The following MAPK3 variants were observed in gnomAD, a reference collection of about 807,000 sequenced individuals.
MAPK3 encodes the protein mitogen-activated protein kinase 3.
In MAPK3, 30 loss-of-function variants were observed where a neutral mutation model predicts 41.8. The observed-to-expected ratio is 0.72, with a 90% CI of 0.54 to 0.97. The LOEUF is 0.97. MAPK3 is among the 50% of genes least tolerant of loss of function. MAPK3 has a pLI of 0.00. For synonymous variants in MAPK3, 222 were observed against 213.4 expected (o/e 1.04, Z -0.35); for missense variants, 413 against 509.9 (o/e 0.81, Z 1.83).
chr16:30,122,236 C>T (rs2073023901), intron 1 of MAPK3: 3 of 579,912 alleles, frequency 5.2e-6, no homozygotes, highest in Non-Finnish European at 9.2e-6. Context: ...AGAGACTGAC[C>T]GCTCACTGAC....
At chr16:30,116,485 G>A in intron 8 of MAPK3, 151 bp downstream of exon 8, 1 of 872,188 alleles carries the variant, frequency 1.1e-6, no homozygotes, top group Non-Finnish European at 1.7e-6. Context: ...CCAGCCCCCT[G>A]GGCACTTCTG....
At chr16:30,117,076 C>T (rs2072964345) in intron 6 of MAPK3, 73 bp from the exon 7 acceptor site, 1 of 1,600,664 alleles carries the variant, frequency 6.2e-7, no homozygotes, top group Non-Finnish European at 8.5e-7. Flanking sequence ...TTGCCTGTCT[C>T]CTCCAGCGGC....
In MAPK3 at chr16:30,118,423, T is replaced by A. The variant is rs369434621; in HGVS notation, c.469A>T (p.Ile157Phe). 6.2e-7 allele frequency: 1 copy of A among 1,613,526 alleles called. No homozygotes were observed. Among genetic ancestry groups the A allele is most frequent in the Non-Finnish European group, 8.5e-7 (1 of 1,179,904 alleles). ...LYQILRGLKY[I>F]HSANVLHRDL... ...CGGTGGAGCACGTTGGCGGAGTGGA[T>A]GTACTTGAGGCCCCGCAGGATCTGG... Residue 157 changes from isoleucine (I) to phenylalanine (F), a missense_variant, in exon 3 of 9, where the codon ATC (isoleucine) becomes TTC (phenylalanine). By Grantham distance (21) the Ile-to-Phe change is conservative. Coordinates refer to ENST00000263025, the MANE Select transcript of MAPK3 (RefSeq NM_002746.3).
chr16:30,118,619 G>T, intron 2 of MAPK3, 81 bp from the exon 3 acceptor site: 1 of 1,151,280 alleles, frequency 8.7e-7, no homozygotes, highest in Non-Finnish European at 1.3e-6. Context: ...TGAAGGCGAG[G>T]CTGCACACCT....
intron 4 of MAPK3, 118 bp downstream of exon 4, chr16:30,117,929 G>T (rs2072974859): frequency 1.8e-6 from 2 of 1,118,838 alleles, no homozygotes; most frequent in South Asian, 1.3e-5. Context: ...TCCTTGCAGA[G>T]CCCAAGGCCC....
In MAPK3 at chr16:30,123,022, C is replaced by A; in HGVS notation, c.170+18G>T. 2.7e-6 allele frequency: 4 copies of A among 1,500,240 alleles called. No homozygotes were observed. Among genetic ancestry groups the A allele is most frequent in the South Asian group, 1.3e-5 (1 of 78,046 alleles). The allele number at this position is 1,500,240 out of a possible 1,614,324, so 92.9% of individuals were successfully genotyped here. On this transcript the variant is annotated intron_variant, in intron 1 of 8. Coordinates refer to ENST00000263025, the MANE Select transcript of MAPK3 (RefSeq NM_002746.3). ...CCCCTCCCCTGAGGGCACCCCCTCC[C>A]CCGGAACGCCCCCTCACCTGACCAT...
Position 30,118,594 on chromosome 16 carries a change from A to G in MAPK3, c.354-56T>C. On this transcript the variant is annotated intron_variant, in intron 2 of 8. Transcript: ENST00000263025. ...AGGGGGCAGTGGGAGGCACTTGGTT[A>G]AGGAAAACAGGCTCTGAAGGCGAGG... The G allele has an allele frequency of 1.3e-5, 19 of 1,475,944 alleles. No homozygotes were observed. The South Asian group carries it at 2.3e-4, about 18-fold the overall frequency. 91.4% of individuals were successfully genotyped at this position (1,475,944 alleles called of 1,614,324 possible). A position where few individuals can be genotyped will look rare whatever the true frequency, so the allele number is the denominator to read the frequency against.
intron 2 of MAPK3, among the ~76,000 whole-genome samples, chr16:30,121,140 G>A (rs977248059): frequency 2.5e-4 from 38 of 151,966 alleles, no homozygotes; most frequent in African/African-American, 7.7e-4. Context: ...ACAGAGTCTC[G>A]CTCTGTCACC....
In MAPK3 at chr16:30,114,517, A is replaced by C. The variant is rs1459569618; in HGVS notation, c.*224T>G. On this transcript the variant is annotated 3_prime_UTR_variant, in exon 9 of 9. Coordinates refer to ENST00000263025, the MANE Select transcript of MAPK3 (RefSeq NM_002746.3). ...CGGGAGATTGAACTGGGGCCACCTG[A>C]GGTCCCGAGGCCCCGTGGGGAGGGC... 8.6e-6 allele frequency: 1 copy of C among 115,934 alleles called. No homozygotes were observed. The highest frequency in any genetic ancestry group is 1.8e-5 in the Non-Finnish European group (1 of 55,230). 7.2% of individuals were successfully genotyped at this position (115,934 alleles called of 1,614,324 possible).
intron 5 of MAPK3, 85 bp from the exon 6 acceptor site, chr16:30,117,370 C>G: frequency 7.1e-7 from 1 of 1,400,842 alleles, no homozygotes; most frequent in African/African-American, 1.4e-5. Context: ...CAAGACCCCC[C>G]AGCCCAGCAA....
intron 5 of MAPK3, 61 bp from the exon 6 acceptor site, chr16:30,117,346 C>G: frequency 6.4e-7 from 1 of 1,565,964 alleles, no homozygotes; most frequent in Admixed American, 1.8e-5. Flanking sequence ...ACAGAATAGG[C>G]AACAAGGCAA....
Position 30,116,632 on chromosome 16 carries a change from T to A in MAPK3, c.*32+4A>T, listed in dbSNP as rs1482099966. On this transcript the variant is annotated splice_donor_region_variant and intron_variant, in intron 8 of 8. Transcript: ENST00000263025. Reference sequence around the variant, plus strand: ...GTCCATGTGTGGGCCATGGAGACACTCACCAGGCCCCAGGGTGCAGAGATG... The same window carrying A: ...GTCCATGTGTGGGCCATGGAGACACACACCAGGCCCCAGGGTGCAGAGATG... 1.9e-6 allele frequency: 3 copies of A among 1,609,818 alleles called. No homozygotes were observed. The highest frequency in any genetic ancestry group is 2.5e-6 in the Non-Finnish European group (3 of 1,179,046).
intron 1 of MAPK3, 83 bp from the exon 2 acceptor site, chr16:30,122,089 G>A: frequency 3.0e-6 from 4 of 1,347,238 alleles, no homozygotes; most frequent in Non-Finnish European, 4.2e-6. Flanking sequence ...GCCTTGGCAG[G>A]GAGGGGAGAG....
At chr16:30,122,872 A>C in intron 1 of MAPK3, 168 bp downstream of exon 1, 4 of 481,024 alleles carry the variant, frequency 8.3e-6, no homozygotes, top group Non-Finnish European at 7.0e-6. Flanking sequence ...CCTCCCCCAG[A>C]AAGCACTCAG....
chr16:30,117,434 AG>A (rs2072968155), intron 5 of MAPK3, 149 bp from the exon 6 acceptor site: 1 of 874,372 alleles, frequency 1.1e-6, no homozygotes, highest in African/African-American at 1.7e-5. Flanking sequence ...GTGCAGAGCA[AG>A]GGGGCTGGGT....
At chr16:30,118,632 TC>T in intron 2 of MAPK3, 94 bp from the exon 3 acceptor site, 6 of 996,818 alleles carry the variant, frequency 6.0e-6, no homozygotes, top group Non-Finnish European at 8.9e-6. Context: ...GCACACCTCC[TC>T]CAGCCAGGGC....
In MAPK3 at chr16:30,116,922, A is replaced by G; in HGVS notation, c.989T>C (p.Leu330Pro). The change falls in exon 7 of 9, where the codon CTG becomes CCG. Residue 330 changes from leucine (L) to proline (P), a missense_variant. This residue lies in a region of MAPK3 where 123 missense variants were observed against 147.8 expected (regional missense o/e 0.83). Transcript: ENST00000263025. ...ATCCGTCGGGTCATAGTACTGCTCC[A>G]GGTAGGGGTGAGCCAGCGCTTCCTC... The part of the protein sequence containing the change: ...TVEEALAHPY[L>P]EQYYDPTDEP... 6.2e-7 allele frequency: 1 copy of G among 1,613,870 alleles called. No individual in the cohort carries two copies. The highest frequency in any genetic ancestry group is 8.5e-7 in the Non-Finnish European group (1 of 1,179,910).
At chr16:30,117,368 C>A in intron 5 of MAPK3, 83 bp from the exon 6 acceptor site, 1 of 1,407,768 alleles carries the variant, frequency 7.1e-7, no homozygotes, top group East Asian at 2.4e-5. Context: ...AACAAGACCC[C>A]CCAGCCCAGC....
In MAPK3 at chr16:30,118,276, C is replaced by T. The variant is rs1027589796; in HGVS notation, c.543+73G>A. ...CCTTTGCTTGCAATGTTCTCCTGCC[C>T]AAGGCTTCTTCTACTGGTCACTGGA... On this transcript the variant is annotated intron_variant, in intron 3 of 8. Coordinates refer to ENST00000263025, the MANE Select transcript of MAPK3 (RefSeq NM_002746.3). 5.1e-6 allele frequency: 8 copies of T among 1,574,274 alleles called. No individual in the cohort carries two copies. In the Admixed American group the frequency reaches 1.2e-4, roughly 24 times the overall value.
Sources: gnomAD v4.1 joint callset for allele counts (sites outside exome capture counted in the v4.1 genomes callset) on GRCh38, gnomAD v4.1.1 for gene constraint, gnomAD v4.1.1 regional missense constraint, MANE v1.5 for transcripts, NCBI Gene and HGNC (gene_info 2026-07-23, HGNC 2026-07-21) for gene names.